Variants in IMPA2 observed in about 807,000 individuals in gnomAD.
IMPA2 encodes the protein inositol monophosphatase 2, also known as IMP 2.
Under a neutral mutation model 35.1 loss-of-function variants are expected in IMPA2, and 32 were observed. That is an observed-to-expected ratio of 0.91 (90% CI 0.69 to 1.23). IMPA2 has a LOEUF of 1.23. Among genes scored for constraint, IMPA2 ranks in the 50% most tolerant of loss-of-function variants. The probability of loss-of-function intolerance (pLI) is 0.00; values close to 1 mark genes in which losing one functional copy is unlikely to be tolerated. For missense variants in IMPA2, 334 were observed against 387.6 expected (o/e 0.86, Z 1.16); for synonymous variants, 135 against 160.6 (o/e 0.84, Z 1.20).
intron 5 of IMPA2, among the ~76,000 whole-genome samples, chr18:12,027,011 A>C (rs1907897452): frequency 1.3e-5 from 2 of 152,222 alleles, no homozygotes; most frequent in African/African-American, 2.4e-5. Flanking sequence ...ATTCTGGCTG[A>C]GAGATTTCCT....
chr18:12,023,949 C>G (rs1185782516), intron 5 of IMPA2, among the ~76,000 whole-genome samples: 1 of 152,120 alleles, frequency 6.6e-6, no homozygotes, highest in Non-Finnish European at 1.5e-5. Flanking sequence ...ATATCAAAAC[C>G]TAAAATATGC....
In IMPA2 at chr18:12,012,188, T is replaced by TA. The variant is rs1448208679; in HGVS notation, c.355dup (p.Ser119LysfsTer11). On this transcript the variant is annotated frameshift_variant, in exon 4 of 8. Coordinates refer to ENST00000269159, the MANE Select transcript of IMPA2 (RefSeq NM_014214.3). LOFTEE classifies it high-confidence loss of function. ...TTTGCAGATTCCCGACTGTGGCGGT[T>TA]AGCATTGGATTTGCTGTTCGACAAG... 1.2e-6 allele frequency: 2 copies of TA among 1,614,202 alleles called. No homozygotes were observed. Among genetic ancestry groups the TA allele is most frequent in the Non-Finnish European group, 1.7e-6 (2 of 1,180,026 alleles).
intron 5 of IMPA2, among the ~76,000 whole-genome samples, chr18:12,024,217 A>G (rs952286625): frequency 2.2e-4 from 33 of 152,172 alleles, no homozygotes; most frequent in Admixed American, 1.8e-3. Flanking sequence ...GCAACAGAAT[A>G]AGCTATAAAA....
At chr18:12,026,886 C>A (rs184140246) in intron 5 of IMPA2, among the ~76,000 whole-genome samples, 33 of 152,336 alleles carry the variant, frequency 2.2e-4, no homozygotes, top group Non-Finnish European at 4.6e-4. Flanking sequence ...GGTGAATGAT[C>A]TGGACCTCCT....
intron 6 of IMPA2, 199 bp downstream of exon 6, chr18:12,028,350 G>A (rs750750425): frequency 1.8e-5 from 10 of 565,296 alleles, no homozygotes; most frequent in Non-Finnish European, 2.5e-5. Flanking sequence ...CTGGAGATGC[G>A]TGGGCACCTG....
chr18:12,028,249 C>A, intron 6 of IMPA2, 98 bp downstream of exon 6: 1 of 779,500 alleles, frequency 1.3e-6, no homozygotes, highest in South Asian at 1.6e-5. Flanking sequence ...GGAAGCCTGA[C>A]GTGGAAAGAG....
chr18:12,017,687 C>T (rs1598701882), intron 5 of IMPA2: 1 of 393,522 alleles, frequency 2.5e-6, no homozygotes, highest in South Asian at 1.9e-5. Context: ...ATCCTAGGTT[C>T]AAGCAATTCT....
At chr18:12,013,375 A>G (rs1034020523) in intron 4 of IMPA2, among the ~76,000 whole-genome samples, 7 of 152,122 alleles carry the variant, frequency 4.6e-5, no homozygotes, top group African/African-American at 1.7e-4. Context: ...GCTGCCAGAC[A>G]CCTGCAGGCT....
At chr18:12,026,962 T>G (rs1907896848) in intron 5 of IMPA2, among the ~76,000 whole-genome samples, 2 of 152,136 alleles carry the variant, frequency 1.3e-5, no homozygotes. Flanking sequence ...AGGTGTAAAA[T>G]GAGAGTTTCC....
At chr18:12,018,461 A>C (rs1272598524) in intron 5 of IMPA2, among the ~76,000 whole-genome samples, 1 of 152,194 alleles carries the variant, frequency 6.6e-6, no homozygotes, top group Non-Finnish European at 1.5e-5. Flanking sequence ...TAACGCCACC[A>C]CTGTCCTGTG....
intron 2 of IMPA2, among the ~76,000 whole-genome samples, chr18:12,007,501 C>G (rs1907283495): frequency 6.6e-6 from 1 of 152,134 alleles, no homozygotes; most frequent in Non-Finnish European, 1.5e-5. Flanking sequence ...AAGTGGCTTC[C>G]AGGAGGCTGA....
chr18:11,982,506 G>A lies in IMPA2; in HGVS notation c.96+741G>A, dbSNP rs542382482. Among the ~76,000 whole-genome samples, 38 of 152,284 alleles carry A rather than the reference G, an allele frequency of 2.5e-4. 1 individual carries two copies. In the East Asian group the frequency reaches 4.1e-3, roughly 16 times the overall value. ...ACTCCATGTTTGTCTCTTAGGATGT[G>A]ATTGTGGGCCGGGCGCAGTGGCTCA... is the stretch of plus-strand genomic sequence containing the variant. On this transcript the variant is annotated intron_variant, in intron 1 of 7. Coordinates refer to ENST00000269159, the MANE Select transcript of IMPA2 (RefSeq NM_014214.3).
intron 2 of IMPA2, among the ~76,000 whole-genome samples, chr18:12,007,668 T>TTTCTTTCTTTC (rs1907309435): frequency 8.8e-6 from 1 of 113,040 alleles, no homozygotes; most frequent in African/African-American, 3.4e-5. Context: ...TCTTTCTTTC[T>TTTCTTTCTTTC]TTCTTTCTTT....
rs1907680828 is a variant in IMPA2 at position 12,019,850 on chromosome 18, T to TG, written c.490+5478dup. On this transcript the variant is annotated intron_variant, in intron 5 of 7. Transcript: ENST00000269159. ...TGTTGGAAAGTTGTCAGGCTTACAGTGTTAGATACGATTTTTCAAAAAAAT... is the reference window on the plus strand; with the variant it reads ...TGTTGGAAAGTTGTCAGGCTTACAGTGGTTAGATACGATTTTTCAAAAAAAT... Among the ~76,000 whole-genome samples the TG allele has an allele frequency of 2.0e-5, 3 of 152,022 alleles. No individual in the cohort carries two copies. In the South Asian group the frequency reaches 6.2e-4, roughly 32 times the overall value.
rs560140865 is a variant in IMPA2 at position 11,991,660 on chromosome 18, A to G, written c.97-7394A>G. 3.9e-5 allele frequency among the ~76,000 whole-genome samples: 6 copies of G among 152,268 alleles called. No individual in the cohort carries two copies. Among genetic ancestry groups the G allele is most frequent in the Admixed American group, 1.3e-4 (2 of 15,302 alleles). ...TGTTCCAGTTTGAAGGCCATAGGGC[A>G]GGAAGAGTTGTTCATGTGGACAGAG... On this transcript the variant is annotated intron_variant, in intron 1 of 7. Coordinates refer to ENST00000269159, the MANE Select transcript of IMPA2 (RefSeq NM_014214.3). This position sits in a 1 kb window ranked among gnomAD's most constrained non-coding sequence, Gnocchi z 4.1.
At position 12,019,379 on chromosome 18, in the gene IMPA2, G is replaced by A. The variant is rs555130832; in HGVS notation, c.490+5006G>A. Among the ~76,000 whole-genome samples the A allele has an allele frequency of 5.3e-5, 8 of 151,682 alleles. No individual in the cohort carries two copies. In the South Asian group the frequency reaches 6.3e-4, roughly 12 times the overall value. Reference sequence around the variant, plus strand: ...CAGTGATTCTCCCACCTCAGCTTCCGGAGTAGCTGGAATTATAGGCACGCA... The same window carrying A: ...CAGTGATTCTCCCACCTCAGCTTCCAGAGTAGCTGGAATTATAGGCACGCA... On this transcript the variant is annotated intron_variant, in intron 5 of 7. Transcript: ENST00000269159.
In IMPA2 at chr18:11,998,986, T is replaced by C. The variant is rs1598689377; in HGVS notation, c.97-68T>C. 7.0e-6 allele frequency: 7 copies of C among 1,005,136 alleles called. No individual in the cohort carries two copies. The South Asian group carries it at 1.1e-4, about 16-fold the overall frequency. The allele number at this position is 1,005,136 out of a possible 1,614,324, so 62.3% of individuals were successfully genotyped here. On this transcript the variant is annotated intron_variant, in intron 1 of 7. Transcript: ENST00000269159. ...TGAATACAGAGGGGACTCGAAGGAG[T>C]GGATAATTCCTTTGCCTGGGAGGAG...
At chr18:12,027,737 A>G (rs968881989) in intron 5 of IMPA2, among the ~76,000 whole-genome samples, 2 of 150,698 alleles carry the variant, frequency 1.3e-5, no homozygotes, top group Non-Finnish European at 3.0e-5. Flanking sequence ...CACCATGCCC[A>G]GCTACTTTTA....
chr18:12,025,094 T>C (rs889199359), intron 5 of IMPA2, among the ~76,000 whole-genome samples: 1 of 151,370 alleles, frequency 6.6e-6, no homozygotes, highest in African/African-American at 2.4e-5. Context: ...CTCCATAGTT[T>C]TGCCTTTTCC....
Sources: allele counts gnomAD v4.1 joint callset (sites outside exome capture counted in the v4.1 genomes callset), GRCh38; gene constraint gnomAD v4.1.1; non-coding constraint Gnocchi (gnomAD v3.1); transcripts MANE v1.5; gene names NCBI Gene and HGNC (gene_info 2026-07-23, HGNC 2026-07-21).